The following PSD3 variants were observed in gnomAD, a reference collection of about 807,000 sequenced individuals.
PSD3 encodes the protein pleckstrin and Sec7 domain containing 3.
A neutral mutation model predicts 105.5 loss-of-function variants in PSD3; 49 were observed. The observed-to-expected ratio is 0.46, with a 90% CI of 0.37 to 0.59. The LOEUF (loss-of-function observed/expected upper bound fraction) is 0.59, where lower values mean the gene tolerates loss of function less well. PSD3 is among the 20% of genes least tolerant of loss of function. The probability of loss-of-function intolerance (pLI) is 0.00; values close to 1 mark genes in which losing one functional copy is unlikely to be tolerated. For synonymous variants in PSD3, 557 were observed against 457.8 expected (o/e 1.22, Z -2.77); for missense variants, 1,561 against 1,263.8 (o/e 1.24, Z -3.57).
chr8:18,637,070 G>T (rs1807305303), intron 10 of PSD3, among the ~76,000 whole-genome samples: 1 of 152,110 alleles, frequency 6.6e-6, no homozygotes, highest in Non-Finnish European at 1.5e-5. Context: ...TGGCTTTCAC[G>T]ATCTGCAATA....
chr8:19,062,729 A>G (rs1828946276), intron 1 of PSD3, among the ~76,000 whole-genome samples: 2 of 152,224 alleles, frequency 1.3e-5, no homozygotes, highest in Admixed American at 6.5e-5. Context: ...TAAAGTCCAC[A>G]TTTTTGGGAA....
At chr8:18,858,725 A>T (rs1017580288) in intron 4 of PSD3, among the ~76,000 whole-genome samples, 1 of 152,008 alleles carries the variant, frequency 6.6e-6, no homozygotes, top group African/African-American at 2.4e-5. Flanking sequence ...ATAAGAAGCA[A>T]CTCCTCATTT....
intron 1 of PSD3, among the ~76,000 whole-genome samples, chr8:19,002,386 C>T (rs1826449162): frequency 1.3e-5 from 2 of 151,870 alleles, no homozygotes; most frequent in African/African-American, 2.4e-5. Context: ...TGGTTCTTAC[C>T]GTTCCTATTA....
At chr8:19,056,163 G>A (rs1191608250) in intron 1 of PSD3, among the ~76,000 whole-genome samples, 5 of 152,154 alleles carry the variant, frequency 3.3e-5, no homozygotes, top group African/African-American at 9.7e-5. Context: ...TTCTTTGATC[G>A]TTTTCAAATA....
At chr8:18,941,370 T>A (rs1402710893) in intron 1 of PSD3, among the ~76,000 whole-genome samples, 1 of 152,154 alleles carries the variant, frequency 6.6e-6, no homozygotes, top group Non-Finnish European at 1.5e-5. Context: ...TCTCCTTGAA[T>A]TCTGAAGCAC....
chr8:18,565,221 T>C (rs1484231219), intron 14 of PSD3, among the ~76,000 whole-genome samples: 2 of 152,122 alleles, frequency 1.3e-5, no homozygotes, highest in Non-Finnish European at 2.9e-5. Flanking sequence ...ACACTGAAGT[T>C]TGAAAAGACT....
intron 4 of PSD3, among the ~76,000 whole-genome samples, chr8:18,835,039 T>TGGC (rs1813992594): frequency 6.6e-6 from 1 of 152,194 alleles, no homozygotes; most frequent in South Asian, 2.1e-4. Context: ...AGCCATTAAA[T>TGGC]TGGTTAAGAT....
chr8:18,752,490 ATAATATATATAATATATATAATATATG>A (rs1360781249), intron 9 of PSD3, among the ~76,000 whole-genome samples: 1 of 16,346 alleles, frequency 6.1e-5, no homozygotes, highest in East Asian at 1.0e-3. Context: ...TATTATATAT[ATAATATATATAATATATATAATATATG>A]TAATATATAT....
intron 8 of PSD3, chr8:18,774,516 T>C (rs1283626393): frequency 3.2e-5 from 8 of 251,496 alleles, no homozygotes; most frequent in South Asian, 1.5e-4. Context: ...CCTTTTTTTT[T>C]CCTCCAGTTT....
At chr8:19,011,994 C>G (rs970849641) in intron 1 of PSD3, among the ~76,000 whole-genome samples, 9 of 152,180 alleles carry the variant, frequency 5.9e-5, no homozygotes, top group African/African-American at 2.2e-4. Flanking sequence ...AATGGTAGGG[C>G]TAGAAGGCTC....
At chr8:18,753,120 G>A (rs1805741000) in intron 9 of PSD3, among the ~76,000 whole-genome samples, 1 of 152,186 alleles carries the variant, frequency 6.6e-6, no homozygotes, top group South Asian at 2.1e-4. Context: ...ACTCTGGGAA[G>A]CCGAGGCAGG....
intron 4 of PSD3, among the ~76,000 whole-genome samples, chr8:18,815,327 G>A (rs994572547): frequency 6.6e-6 from 1 of 152,166 alleles, no homozygotes; most frequent in South Asian, 2.1e-4. Context: ...GGAGGTGTGG[G>A]GGATGGAGTC....
At chr8:18,570,640 A>G in intron 14 of PSD3, among the ~76,000 whole-genome samples, 2 of 146,878 alleles carry the variant, frequency 1.4e-5, no homozygotes, top group African/African-American at 2.5e-5. Context: ...AAAACAAACA[A>G]CCCCATCAAA....
intron 9 of PSD3, among the ~76,000 whole-genome samples, chr8:18,688,986 A>G (rs1800816703): frequency 6.6e-6 from 1 of 152,244 alleles, no homozygotes; most frequent in African/African-American, 2.4e-5. Context: ...GAAGCAAACT[A>G]ATTAAGCGGA....
At chr8:18,613,131 C>A (rs1436942704) in intron 11 of PSD3, among the ~76,000 whole-genome samples, 1 of 152,032 alleles carries the variant, frequency 6.6e-6, no homozygotes, top group African/African-American at 2.4e-5. Flanking sequence ...ATATAAACAC[C>A]AGTGATAGAG....
At chr8:18,964,151 G>C (rs1255001251) in intron 1 of PSD3, among the ~76,000 whole-genome samples, 3 of 152,146 alleles carry the variant, frequency 2.0e-5, no homozygotes, top group Non-Finnish European at 4.4e-5. Context: ...GTTTTTGAGA[G>C]TGTTGCTCTG....
intron 4 of PSD3, among the ~76,000 whole-genome samples, chr8:18,818,006 T>C (rs1384075354): frequency 5.3e-5 from 8 of 152,180 alleles, no homozygotes. Flanking sequence ...CAGGCTGGAG[T>C]GCAGTGGCGC....
At chr8:18,595,581 T>C (rs1249542755) in intron 12 of PSD3, among the ~76,000 whole-genome samples, 1 of 150,970 alleles carries the variant, frequency 6.6e-6, no homozygotes, top group Non-Finnish European at 1.5e-5. Flanking sequence ...CATGAAATAA[T>C]GGAAAAAATA....
chr8:18,870,729 A>G (rs1218420246), intron 3 of PSD3, among the ~76,000 whole-genome samples: 1 of 152,120 alleles, frequency 6.6e-6, no homozygotes, highest in East Asian at 1.9e-4. Flanking sequence ...ACTTGTGAGA[A>G]GAAGAAATTC....
Sources: gnomAD v4.1 joint callset for allele counts (sites outside exome capture counted in the v4.1 genomes callset) on GRCh38, gnomAD v4.1.1 for gene constraint, MANE v1.5 for transcripts, NCBI Gene and HGNC (gene_info 2026-07-23, HGNC 2026-07-21) for gene names.